Variants in EPS15L1 observed in about 807,000 individuals in gnomAD.
EPS15L1 encodes the protein epidermal growth factor receptor substrate 15-like 1.
Under a neutral mutation model 117.1 loss-of-function variants are expected in EPS15L1, and 43 were observed. The ratio of observed to expected loss-of-function variants is 0.37; its 90% CI spans 0.29 to 0.47. EPS15L1 has a LOEUF of 0.47. EPS15L1 is among the 20% of genes least tolerant of loss of function. The probability of loss-of-function intolerance (pLI) is 0.99; values close to 1 mark genes in which losing one functional copy is unlikely to be tolerated. For synonymous variants in EPS15L1, 459 were observed against 470.5 expected (o/e 0.98, Z 0.32); for missense variants, 981 against 1,164.0 (o/e 0.84, Z 2.29).
At chr19:16,428,649 C>T (rs558964966) in intron 8 of EPS15L1, 53 bp downstream of exon 8, 15 of 1,359,538 alleles carry the variant, frequency 1.1e-5, no homozygotes, top group African/African-American at 2.9e-5. Context: ...GCAACCCCTG[C>T]GCACTGCACA....
intron 23 of EPS15L1, among the ~76,000 whole-genome samples, chr19:16,359,063 G>A (rs1054693069): frequency 3.3e-5 from 5 of 152,266 alleles, no homozygotes; most frequent in South Asian, 2.1e-4. Context: ...AGGCACCGCC[G>A]GGGCACCACC....
At chr19:16,422,143 A>C (rs1028929193) in intron 9 of EPS15L1, among the ~76,000 whole-genome samples, 1 of 152,226 alleles carries the variant, frequency 6.6e-6, no homozygotes, top group African/African-American at 2.4e-5. Context: ...AGTGCAGCTC[A>C]AAGTTCACAG....
At chr19:16,372,483 C>CA (rs1402020300) in intron 22 of EPS15L1, among the ~76,000 whole-genome samples, 1 of 152,240 alleles carries the variant, frequency 6.6e-6, no homozygotes, top group African/African-American at 2.4e-5. Context: ...CGATGACCCA[C>CA]AGAGGACGCT....
At chr19:16,430,826 G>A (rs1397497199) in intron 7 of EPS15L1, among the ~76,000 whole-genome samples, 1 of 152,210 alleles carries the variant, frequency 6.6e-6, no homozygotes. Context: ...TAGACATATG[G>A]GCACAAAGAC....
intron 22 of EPS15L1, among the ~76,000 whole-genome samples, chr19:16,366,989 C>G (rs1421450894): frequency 1.3e-5 from 2 of 152,084 alleles, no homozygotes; most frequent in Non-Finnish European, 1.5e-5. Flanking sequence ...TTTAATCTGC[C>G]TCCAGGCCCT....
Position 16,371,074 on chromosome 19 carries a change from G to T in EPS15L1, c.2380+6048C>A, listed in dbSNP as rs907069717. Among the ~76,000 whole-genome samples the T allele has an allele frequency of 2.0e-5, 3 of 152,242 alleles. No homozygotes were observed. Among genetic ancestry groups the T allele is most frequent in the African/African-American group, 7.2e-5 (3 of 41,460 alleles). On this transcript the variant is annotated intron_variant, in intron 22 of 23. Coordinates refer to ENST00000455140, the MANE Select transcript of EPS15L1 (RefSeq NM_001258374.3). The surrounding 1 kb of genome is among the most constrained non-coding windows in gnomAD (Gnocchi z 4.7). ...ACGAAATTGAAGTAGTTAAGTTCAA[G>T]GCTGAGGTGCTAACCGCAGGGTTCA...
intron 22 of EPS15L1, among the ~76,000 whole-genome samples, chr19:16,376,767 T>C (rs760412952): frequency 6.6e-5 from 10 of 152,162 alleles, no homozygotes; most frequent in South Asian, 2.1e-4. Flanking sequence ...CGGCCATGAG[T>C]GGCTCCTGAA....
rs1339198340 is a variant in EPS15L1 at position 16,425,183 on chromosome 19, G to T, written c.692C>A (p.Pro231Gln). Reference sequence around the variant, plus strand: ...CGTGGAGCGGAGGCTGTCTTTTGGTGGGGGGCTGGCAGGCAGGACGGGGAC... The same window carrying T: ...CGTGGAGCGGAGGCTGTCTTTTGGTTGGGGGCTGGCAGGCAGGACGGGGAC... Reference protein sequence around the residue: ...GAVPVLPASPPPKDSLRSTPS... With the variant: ...GAVPVLPASPQPKDSLRSTPS... The change falls in exon 9 of 24, where the codon CCA (proline) becomes CAA (glutamine). Residue 231 changes from proline (P) to glutamine (Q), a missense_variant. Transcript: ENST00000455140. The T allele has an allele frequency of 1.9e-6, 3 of 1,613,404 alleles. No homozygotes were observed. Among genetic ancestry groups the T allele is most frequent in the Non-Finnish European group, 2.5e-6 (3 of 1,179,470 alleles).
chr19:16,452,633 G>GAAA (rs58224667), intron 1 of EPS15L1, among the ~76,000 whole-genome samples: 2 of 87,972 alleles, frequency 2.3e-5, no homozygotes, highest in Non-Finnish European at 2.5e-5. Context: ...AATGTCATCT[G>GAAA]AAAAAAAAAA....
rs373460715 is a variant in EPS15L1, at chr19:16,377,247, G to T, written c.2255C>A (p.Pro752His). The T allele has an allele frequency of 6.2e-7, 1 of 1,609,670 alleles. No homozygotes were observed. Among genetic ancestry groups the T allele is most frequent in the East Asian group, 2.2e-5 (1 of 44,850 alleles). ...ADFSQMSKPP[P>H]SGPFTSSLGG... ...CAAGGAGGAGGTGAAAGGGCCAGAAGGTGGGGGCTGTAAGAGAGGACATGA... is the reference window on the plus strand; with the variant it reads ...CAAGGAGGAGGTGAAAGGGCCAGAATGTGGGGGCTGTAAGAGAGGACATGA... The change falls in exon 22 of 24, where the codon CCT (proline) becomes CAT (histidine). Residue 752 changes from proline (P) to histidine (H), a missense_variant. Physicochemically the swap from Pro to His is moderately conservative, Grantham distance 77. Around this residue, in one of 5 missense-constraint regions of EPS15L1, gnomAD observed 819 missense variants for 949.0 expected, o/e 0.86. Coordinates refer to ENST00000455140, the MANE Select transcript of EPS15L1 (RefSeq NM_001258374.3).
At chr19:16,464,979 T>C (rs895233021) in intron 1 of EPS15L1, among the ~76,000 whole-genome samples, 1 of 151,448 alleles carries the variant, frequency 6.6e-6, no homozygotes, top group Non-Finnish European at 1.5e-5. Context: ...CGCAGGAGGC[T>C]GAGGCAGTAG....
intron 1 of EPS15L1, among the ~76,000 whole-genome samples, chr19:16,457,239 T>C (rs1463505992): frequency 6.6e-6 from 1 of 152,146 alleles, no homozygotes; most frequent in Non-Finnish European, 1.5e-5. Flanking sequence ...GACACCTTGG[T>C]GCAGGTGTGG....
chr19:16,375,468 G>A (rs77682383), intron 22 of EPS15L1, among the ~76,000 whole-genome samples: 2 of 11,256 alleles, frequency 1.8e-4, no homozygotes, highest in East Asian at 1.2e-3. Flanking sequence ...ATGCATATAT[G>A]TGTGTGTGTG....
intron 10 of EPS15L1, among the ~76,000 whole-genome samples, chr19:16,419,169 G>A (rs1317959041): frequency 6.6e-6 from 1 of 152,224 alleles, no homozygotes; most frequent in Non-Finnish European, 1.5e-5. Flanking sequence ...CAATCAAGGA[G>A]CCAGCCAGGG....
At position 16,404,013 on chromosome 19, in the gene EPS15L1, TC is replaced by T; in HGVS notation, c.1429-84del. The T allele has an allele frequency of 1.5e-6, 2 of 1,320,288 alleles. No homozygotes were observed. Among genetic ancestry groups the T allele is most frequent in the Non-Finnish European group, 1.1e-6 (1 of 948,058 alleles). 81.8% of individuals were successfully genotyped at this position (1,320,288 alleles called of 1,614,324 possible). ...TCCGAGAAAGAACTCTTAGCCCCCA[TC>T]CCCGAAACAAGCTAAGCCAGGGACG... On this transcript the variant is annotated intron_variant, in intron 14 of 23. Transcript: ENST00000455140. This position sits in a 1 kb window ranked among gnomAD's most constrained non-coding sequence, Gnocchi z 4.2.
chr19:16,390,698 G>C (rs1684925462), intron 19 of EPS15L1, among the ~76,000 whole-genome samples: 1 of 152,064 alleles, frequency 6.6e-6, no homozygotes, highest in Admixed American at 6.6e-5. Context: ...AATATACCTA[G>C]GAGAAAAAGC....
At chr19:16,377,817 C>G (rs964721095) in intron 21 of EPS15L1, among the ~76,000 whole-genome samples, 1 of 152,202 alleles carries the variant, frequency 6.6e-6, no homozygotes, top group African/African-American at 2.4e-5. Context: ...GGAAGTGCAT[C>G]CTCACATGCC....
chr19:16,372,318 G>A (rs1367074997), intron 22 of EPS15L1, among the ~76,000 whole-genome samples: 5 of 152,160 alleles, frequency 3.3e-5, no homozygotes, highest in Admixed American at 1.3e-4. Context: ...CTGCATGCCA[G>A]CCACACCAAA....
chr19:16,467,767 C>T (rs989743267), intron 1 of EPS15L1, among the ~76,000 whole-genome samples: 3 of 152,188 alleles, frequency 2.0e-5, no homozygotes, highest in Non-Finnish European at 2.9e-5. Flanking sequence ...ACACACTGGC[C>T]GGGTGCTGCT....
Sources: gnomAD v4.1 joint callset for allele counts (sites outside exome capture counted in the v4.1 genomes callset) on GRCh38, gnomAD v4.1.1 for gene constraint, gnomAD v4.1.1 regional missense constraint, Gnocchi (gnomAD v3.1) non-coding constraint, MANE v1.5 for transcripts, NCBI Gene and HGNC (gene_info 2026-07-23, HGNC 2026-07-21) for gene names.